Variants in PIK3C2G observed in about 807,000 individuals in gnomAD.
PIK3C2G encodes phosphatidylinositol 3-kinase C2 domain-containing subunit gamma.
In PIK3C2G, 168 loss-of-function variants were observed where a neutral mutation model predicts 181.1. The ratio of observed to expected loss-of-function variants is 0.93; its 90% CI spans 0.82 to 1.05. The LOEUF (loss-of-function observed/expected upper bound fraction) is 1.05, where lower values mean the gene tolerates loss of function less well. Among genes scored for constraint, PIK3C2G ranks in the 50% least tolerant of loss-of-function variants. The pLI is 0.00. For missense variants in PIK3C2G, 1,869 were observed against 1,732.8 expected (o/e 1.08, Z -1.40); for synonymous variants, 573 against 592.2 (o/e 0.97, Z 0.47).
intron 31 of PIK3C2G, among the ~76,000 whole-genome samples, 187 bp from the exon 32 acceptor site, chr12:18,640,242 T>C (rs1042198384): frequency 6.6e-6 from 1 of 152,134 alleles, no homozygotes; most frequent in Admixed American, 6.6e-5. Flanking sequence ...AGCTTTACTC[T>C]TTTAAACTGT....
At chr12:18,365,065 C>G (rs1324195451) in intron 12 of PIK3C2G, among the ~76,000 whole-genome samples, 1 of 152,130 alleles carries the variant, frequency 6.6e-6, no homozygotes, top group African/African-American at 2.4e-5. Context: ...AACTCAATTT[C>G]AAAGAAAAAA....
At chr12:18,487,070 A>C (rs1403014469) in intron 18 of PIK3C2G, among the ~76,000 whole-genome samples, 1 of 149,784 alleles carries the variant, frequency 6.7e-6, no homozygotes, top group East Asian at 2.0e-4. Flanking sequence ...TTTACCAGTG[A>C]TACATCTTTA....
intron 1 of PIK3C2G, among the ~76,000 whole-genome samples, chr12:18,269,890 C>A (rs1483354769): frequency 2.7e-5 from 4 of 148,198 alleles, no homozygotes; most frequent in Non-Finnish European, 6.0e-5. Context: ...ACAAGTTACC[C>A]TTTTTTCTTT....
chr12:18,406,549 C>G (rs56362216), intron 16 of PIK3C2G, among the ~76,000 whole-genome samples: 16,930 of 152,108 alleles, frequency 0.11, 1,296 homozygotes, highest in Admixed American at 0.27. Flanking sequence ...GTCAGAAAAA[C>G]ATGTTTGATG....
At chr12:18,647,253 A>T (rs1950185513) in intron 32 of PIK3C2G, among the ~76,000 whole-genome samples, 1 of 152,078 alleles carries the variant, frequency 6.6e-6, no homozygotes, top group African/African-American at 2.4e-5. Flanking sequence ...GGTCTGTTTC[A>T]TGGCCACAGA....
At chr12:18,304,472 G>T (rs1348933960) in intron 5 of PIK3C2G, among the ~76,000 whole-genome samples, 1 of 152,106 alleles carries the variant, frequency 6.6e-6, no homozygotes, top group Non-Finnish European at 1.5e-5. Flanking sequence ...GGCCAGGCTG[G>T]TCTCAAATGC....
chr12:18,603,447 T>C (rs559716718), intron 30 of PIK3C2G, among the ~76,000 whole-genome samples: 181 of 152,228 alleles, frequency 1.2e-3, no homozygotes, highest in African/African-American at 4.0e-3. Context: ...GGAAAACATA[T>C]CTGGGGGAAT....
At chr12:18,626,684 A>C (rs1949113591) in intron 31 of PIK3C2G, among the ~76,000 whole-genome samples, 1 of 152,030 alleles carries the variant, frequency 6.6e-6, no homozygotes, top group Non-Finnish European at 1.5e-5. Context: ...TGGGTAAAAT[A>C]GTCTTGGTTG....
At chr12:18,635,274 G>C (rs768868481) in intron 31 of PIK3C2G, among the ~76,000 whole-genome samples, 1 of 152,244 alleles carries the variant, frequency 6.6e-6, no homozygotes, top group Non-Finnish European at 1.5e-5. Flanking sequence ...CTGGAGGAAA[G>C]AAGTCAGTGC....
chr12:18,245,053 T>C (rs1471802700), upstream of PIK3C2G, among the ~76,000 whole-genome samples: 1 of 152,134 alleles, frequency 6.6e-6, no homozygotes, highest in Non-Finnish European at 1.5e-5. Context: ...TTTGTGAAGA[T>C]CAAATGATAA....
upstream of PIK3C2G, among the ~76,000 whole-genome samples, chr12:18,243,210 G>A (rs1164689077): frequency 6.6e-5 from 10 of 151,792 alleles, no homozygotes; most frequent in Non-Finnish European, 1.2e-4. Context: ...GTGTGTGTGT[G>A]TGTGTGTGTG....
chr12:18,518,828 G>C (rs1421785742), intron 24 of PIK3C2G, among the ~76,000 whole-genome samples: 1 of 152,136 alleles, frequency 6.6e-6, no homozygotes, highest in African/African-American at 2.4e-5. Context: ...TGATGTTAGA[G>C]TGCTGATGTG....
At chr12:18,719,322 T>A in the PIK3C2G span, 1 of 561,642 alleles carries the variant, frequency 1.8e-6, no homozygotes, top group Non-Finnish European at 2.8e-6. Flanking sequence ...TGAGTTTGGA[T>A]AACATGGAGA....
At chr12:18,264,978 T>C (rs1405695981) in intron 1 of PIK3C2G, among the ~76,000 whole-genome samples, 2 of 152,242 alleles carry the variant, frequency 1.3e-5, no homozygotes, top group African/African-American at 4.8e-5. Flanking sequence ...CTCAATGATT[T>C]TGAGAATTCT....
At chr12:18,249,255 T>C (rs1304985586) in intron 1 of PIK3C2G, among the ~76,000 whole-genome samples, 1 of 152,182 alleles carries the variant, frequency 6.6e-6, no homozygotes, top group African/African-American at 2.4e-5. Context: ...TTTTTGACCT[T>C]TCAAAGGTAT....
intron 16 of PIK3C2G, 127 bp from the exon 17 acceptor site, chr12:18,420,814 A>T: frequency 1.7e-6 from 1 of 574,668 alleles, no homozygotes; most frequent in Non-Finnish European, 3.2e-6. Context: ...TATTACCTTA[A>T]TCGATTGTGG....
At chr12:18,476,722 G>T (rs1203227428) in intron 18 of PIK3C2G, among the ~76,000 whole-genome samples, 3 of 152,134 alleles carry the variant, frequency 2.0e-5, no homozygotes, top group Non-Finnish European at 4.4e-5. Flanking sequence ...GGTGATGGAA[G>T]TCTAGCCATC....
intron 18 of PIK3C2G, among the ~76,000 whole-genome samples, chr12:18,479,687 C>T (rs754941095): frequency 6.6e-6 from 1 of 152,148 alleles, no homozygotes; most frequent in Non-Finnish European, 1.5e-5. Flanking sequence ...AAGTGAAGAA[C>T]CAAAGCATGC....
At chr12:18,426,819 G>C (rs1173837707) in intron 18 of PIK3C2G, among the ~76,000 whole-genome samples, 1 of 152,176 alleles carries the variant, frequency 6.6e-6, no homozygotes, top group Non-Finnish European at 1.5e-5. Context: ...TGTTTGATTT[G>C]ATGCTTATTT....
Sources: allele counts gnomAD v4.1 joint callset (sites outside exome capture counted in the v4.1 genomes callset), GRCh38; gene constraint gnomAD v4.1.1; transcripts MANE v1.5; gene names NCBI Gene and HGNC (gene_info 2026-07-23, HGNC 2026-07-21).